Variants in LOC400499 observed in about 807,000 individuals in gnomAD.
the LOC400499 span, among the ~76,000 whole-genome samples, chr16:11,410,170 A>T: frequency 6.6e-6 from 1 of 152,114 alleles, no homozygotes; most frequent in Non-Finnish European, 1.5e-5. Context: ...AACAAAAAAT[A>T]AGGCTGGGCG....
At chr16:11,417,899 A>G in the LOC400499 span, 24,544 of 398,308 alleles carry the variant, frequency 0.062, 799 homozygotes, top group Middle Eastern at 0.12. Context: ...GCCTGGGTCA[A>G]GCTGGCACTG....
chr16:11,405,285 G>A, the LOC400499 span, among the ~76,000 whole-genome samples: 2 of 152,206 alleles, frequency 1.3e-5, no homozygotes, highest in Non-Finnish European at 1.5e-5. Flanking sequence ...TTGGTATTGC[G>A]GTTTCTCAAT....
chr16:11,399,690 G>A, the LOC400499 span: 4,631 of 398,900 alleles, frequency 0.012, 210 homozygotes, highest in African/African-American at 0.088. Flanking sequence ...GCAGCGGTCA[G>A]GCCCCACATA....
chr16:11,500,566 C>G, the LOC400499 span, among the ~76,000 whole-genome samples: 2 of 140,566 alleles, frequency 1.4e-5, no homozygotes, highest in Non-Finnish European at 3.2e-5. Flanking sequence ...AAGGTTAAAT[C>G]ACTTGCCTGG....
chr16:11,483,811 G>T, the LOC400499 span, among the ~76,000 whole-genome samples: 2 of 151,732 alleles, frequency 1.3e-5, no homozygotes, highest in Non-Finnish European at 2.9e-5. Flanking sequence ...GGGGGCAAAG[G>T]TTGCAATGAG....
the LOC400499 span, among the ~76,000 whole-genome samples, chr16:11,497,509 GGGGGCACAGACA>G: frequency 6.6e-6 from 1 of 152,358 alleles, no homozygotes; most frequent in Non-Finnish European, 1.5e-5. Context: ...GAAAGGCGGC[GGGGGCACAGACA>G]GGGCAGGCTC....
At chr16:11,524,011 T>C in the LOC400499 span, among the ~76,000 whole-genome samples, 2 of 74,042 alleles carry the variant, frequency 2.7e-5, no homozygotes, top group South Asian at 6.8e-4. Flanking sequence ...ACCCCTCCTA[T>C]ACACCCACCC....
chr16:11,384,372 C>T, the LOC400499 span: 1 of 1,082,922 alleles, frequency 9.2e-7, no homozygotes. Context: ...CCCTGTGATC[C>T]TCCCCCAGCC....
the LOC400499 span, chr16:11,391,820 AAGG>A: frequency 8.1e-7 from 1 of 1,232,090 alleles, no homozygotes; most frequent in Non-Finnish European, 1.0e-6. Flanking sequence ...ACAGCTGCAG[AAGG>A]AGGCCTGCCA....
the LOC400499 span, among the ~76,000 whole-genome samples, chr16:11,416,688 G>C: frequency 1.3e-5 from 2 of 152,174 alleles, no homozygotes; most frequent in Non-Finnish European, 2.9e-5. Flanking sequence ...GAAACGGGGA[G>C]GTGGAAAAGA....
At chr16:11,396,169 C>A in the LOC400499 span, among the ~76,000 whole-genome samples, 2 of 152,246 alleles carry the variant, frequency 1.3e-5, no homozygotes, top group African/African-American at 4.8e-5. Flanking sequence ...TACAATTATA[C>A]CCATTTTACA....
At chr16:11,384,039 C>T in the LOC400499 span, 1 of 1,231,850 alleles carries the variant, frequency 8.1e-7, no homozygotes, top group Non-Finnish European at 1.0e-6. Flanking sequence ...CTCAGGCCTC[C>T]TGCTGGACCA....
chr16:11,424,491 G>C, the LOC400499 span: 1 of 398,000 alleles, frequency 2.5e-6, no homozygotes, highest in Non-Finnish European at 4.4e-6. Context: ...CATAGCTCCA[G>C]GTCCTACTGC....
At chr16:11,407,585 C>A in the LOC400499 span, among the ~76,000 whole-genome samples, 1 of 152,216 alleles carries the variant, frequency 6.6e-6, no homozygotes, top group African/African-American at 2.4e-5. Flanking sequence ...ATAACATTGA[C>A]TTGAAAATAT....
the LOC400499 span, chr16:11,460,978 T>G: frequency 6.5e-7 from 1 of 1,535,158 alleles, no homozygotes; most frequent in South Asian, 1.2e-5. Context: ...GAGGCTGTAC[T>G]GGATCCTCAG....
the LOC400499 span, chr16:11,446,668 G>A: frequency 3.7e-5 from 56 of 1,533,932 alleles, no homozygotes; most frequent in Middle Eastern, 8.3e-4. Context: ...ATGTACACAC[G>A]CATGCAGGGA....
the LOC400499 span, among the ~76,000 whole-genome samples, chr16:11,480,902 G>T: frequency 6.6e-6 from 1 of 152,196 alleles, no homozygotes; most frequent in African/African-American, 2.4e-5. Flanking sequence ...GACACAAAAA[G>T]AAGTACAGGA....
the LOC400499 span, chr16:11,518,910 C>T: frequency 2.5e-6 from 1 of 399,072 alleles, no homozygotes; most frequent in Non-Finnish European, 4.4e-6. Flanking sequence ...CTCAGGCTCT[C>T]CGACTCCTTC....
chr16:11,380,167 C>G, the LOC400499 span, among the ~76,000 whole-genome samples: 1 of 151,832 alleles, frequency 6.6e-6, no homozygotes, highest in African/African-American at 2.4e-5. Context: ...CTTTTAAATC[C>G]AATAAAATAA....
Sources: allele counts gnomAD v4.1 joint callset (sites outside exome capture counted in the v4.1 genomes callset), GRCh38; gene constraint gnomAD v4.1.1; transcripts MANE v1.5.